The following KCNIP4 variants were observed in gnomAD, a reference collection of about 807,000 sequenced individuals.
KCNIP4 encodes the protein potassium voltage-gated channel interacting protein 4.
A neutral mutation model predicts 34.0 loss-of-function variants in KCNIP4; 12 were observed. The observed-to-expected ratio is 0.35, with a 90% confidence interval of 0.23 to 0.57. KCNIP4 has a LOEUF of 0.57. Ranked by LOEUF, KCNIP4 falls within the 20% of genes least tolerant of loss-of-function variation. The pLI, the probability that KCNIP4 is intolerant of heterozygous loss-of-function variation, is 0.83. For missense variants in KCNIP4, 238 were observed against 311.7 expected (o/e 0.76, Z 1.78); for synonymous variants, 124 against 102.2 (o/e 1.21, Z -1.29).
chr4:21,445,904 A>T (rs1335082731), intron 1 of KCNIP4, among the ~76,000 whole-genome samples: 2 of 152,204 alleles, frequency 1.3e-5, no homozygotes, highest in Non-Finnish European at 2.9e-5. Flanking sequence ...CAGAATCTAC[A>T]AAGAACTCCA....
chr4:21,027,147 A>G (rs1409017321), intron 1 of KCNIP4, among the ~76,000 whole-genome samples: 1 of 152,194 alleles, frequency 6.6e-6, no homozygotes, highest in Non-Finnish European at 1.5e-5. Context: ...GATTAATTAG[A>G]CTAAGATGTC....
intron 1 of KCNIP4, among the ~76,000 whole-genome samples, chr4:21,756,923 C>T (rs992919503): frequency 2.6e-5 from 4 of 151,546 alleles, no homozygotes; most frequent in Non-Finnish European, 5.9e-5. Context: ...ATGTGAAATC[C>T]CTATCTCCAC....
rs575330912 is a variant in KCNIP4 at position 21,542,965 on chromosome 4, G to T, written c.61+405606C>A. On this transcript the variant is annotated intron_variant, in intron 1 of 8. Transcript: ENST00000382152. ...AGAAGTAAACTGTTCAATGAATACT[G>T]TCAATTCAATGATGATTTTAAATTA... Among the ~76,000 whole-genome samples the T allele has an allele frequency of 1.4e-4, 21 of 151,868 alleles. No homozygotes were observed. In the South Asian group the frequency reaches 4.4e-3, roughly 32 times the overall value.
intron 2 of KCNIP4, among the ~76,000 whole-genome samples, chr4:20,869,037 T>C (rs911569309): frequency 2.6e-5 from 4 of 152,092 alleles, no homozygotes; most frequent in Non-Finnish European, 1.5e-5. Context: ...ATGCAAAATA[T>C]CATGCCTAAT....
At chr4:21,025,892 A>G (rs551782919) in intron 1 of KCNIP4, among the ~76,000 whole-genome samples, 4 of 152,190 alleles carry the variant, frequency 2.6e-5, no homozygotes, top group Admixed American at 2.6e-4. Context: ...ATGATTTAAT[A>G]ACTATTTACT....
intron 1 of KCNIP4, among the ~76,000 whole-genome samples, chr4:21,427,480 A>C (rs1166690505): frequency 6.6e-6 from 1 of 152,156 alleles, no homozygotes; most frequent in African/African-American, 2.4e-5. Context: ...CCTACACTGC[A>C]CTTCCTCCGT....
At chr4:21,598,310 G>C (rs1742818269) in intron 1 of KCNIP4, among the ~76,000 whole-genome samples, 1 of 152,046 alleles carries the variant, frequency 6.6e-6, no homozygotes, top group Non-Finnish European at 1.5e-5. Flanking sequence ...AAGAATAGTT[G>C]AACTCTTAGT....
At chr4:21,668,977 C>CCTGCTT (rs1361563632) in intron 1 of KCNIP4, among the ~76,000 whole-genome samples, 1 of 152,156 alleles carries the variant, frequency 6.6e-6, no homozygotes, top group Non-Finnish European at 1.5e-5. Context: ...TGCCACTTTG[C>CCTGCTT]CTAAAAATCA....
At chr4:21,638,117 G>A (rs1746352180) in intron 1 of KCNIP4, among the ~76,000 whole-genome samples, 1 of 152,088 alleles carries the variant, frequency 6.6e-6, no homozygotes, top group Non-Finnish European at 1.5e-5. Flanking sequence ...TTTATCTGAA[G>A]GTTTACTTCA....
chr4:21,275,192 C>A (rs928669914), intron 1 of KCNIP4, among the ~76,000 whole-genome samples: 1 of 152,126 alleles, frequency 6.6e-6, no homozygotes, highest in African/African-American at 2.4e-5. Flanking sequence ...CGTTGAGATC[C>A]TGACAGCAAA....
At chr4:21,930,939 A>G (rs1433533580) in intron 1 of KCNIP4, among the ~76,000 whole-genome samples, 1 of 152,168 alleles carries the variant, frequency 6.6e-6, no homozygotes, top group East Asian at 1.9e-4. Context: ...AGAGCCAACC[A>G]TCAGCAGACC....
chr4:21,401,071 G>A (rs1413650875), intron 1 of KCNIP4, among the ~76,000 whole-genome samples: 1 of 152,124 alleles, frequency 6.6e-6, no homozygotes, highest in Non-Finnish European at 1.5e-5. Context: ...TGAGGCAGGA[G>A]AGTCGCTTGA....
rs546055202 is a variant in KCNIP4, at chr4:21,347,361, A to G, written c.62-464652T>C. On this transcript the variant is annotated intron_variant, in intron 1 of 8. Coordinates refer to ENST00000382152, the MANE Select transcript of KCNIP4 (RefSeq NM_025221.6). ...CCACAGGGAGCTAGACCCTCATAGG[A>G]TATGCCACTACTACTAGAGACACTG... Among the ~76,000 whole-genome samples, 385 of 152,298 alleles carry G rather than the reference A, an allele frequency of 2.5e-3. 1 individual carries two copies. The highest frequency in any genetic ancestry group is 8.9e-3 in the African/African-American group (371 of 41,564).
intron 3 of KCNIP4, among the ~76,000 whole-genome samples, chr4:20,767,985 A>G (rs1024703025): frequency 6.6e-6 from 1 of 152,252 alleles, no homozygotes; most frequent in Non-Finnish European, 1.5e-5. Context: ...TCTATCAGTT[A>G]AAATAGTATT....
At chr4:20,897,747 C>T (rs544527598) in intron 1 of KCNIP4, among the ~76,000 whole-genome samples, 5 of 152,238 alleles carry the variant, frequency 3.3e-5, no homozygotes, top group Admixed American at 2.6e-4. Context: ...AGGAGAGAGG[C>T]CTCAGAAGGA....
At chr4:21,691,308 G>A (rs546534252) in intron 1 of KCNIP4, among the ~76,000 whole-genome samples, 1 of 152,228 alleles carries the variant, frequency 6.6e-6, no homozygotes, top group South Asian at 2.1e-4. Context: ...GCCTCTGTGG[G>A]TAGGCTATAT....
At chr4:21,884,556 C>A (rs1578108836) in intron 1 of KCNIP4, among the ~76,000 whole-genome samples, 1 of 151,992 alleles carries the variant, frequency 6.6e-6, no homozygotes, top group East Asian at 1.9e-4. Flanking sequence ...ATGGAGCTAC[C>A]ATTGAGGGCT....
chr4:21,487,800 A>C (rs4314271), intron 1 of KCNIP4, among the ~76,000 whole-genome samples: 45,756 of 152,054 alleles, frequency 0.3, 7,857 homozygotes, highest in African/African-American at 0.46. Flanking sequence ...CACCTTTGGT[A>C]GTTAGGAGCT....
At chr4:20,913,362 T>G (rs1318913576) in intron 1 of KCNIP4, among the ~76,000 whole-genome samples, 3 of 152,136 alleles carry the variant, frequency 2.0e-5, no homozygotes, top group Non-Finnish European at 4.4e-5. Context: ...AGCTGATGAA[T>G]GTTAGCCAGG....
Sources: gnomAD v4.1 joint callset for allele counts (sites outside exome capture counted in the v4.1 genomes callset) on GRCh38, gnomAD v4.1.1 for gene constraint, MANE v1.5 for transcripts, NCBI Gene and HGNC (gene_info 2026-07-23, HGNC 2026-07-21) for gene names.